The following HPSE2 variants were observed in gnomAD, a reference collection of about 807,000 sequenced individuals.
HPSE2 encodes the protein heparanase 2 (inactive), also known as inactive heparanase-2.
A neutral mutation model predicts 60.5 loss-of-function variants in HPSE2; 38 were observed. That is an observed-to-expected ratio of 0.63 (90% CI 0.48 to 0.82). HPSE2 has a LOEUF of 0.82. HPSE2 is among the 40% of genes least tolerant of loss of function. HPSE2 has a pLI of 0.00. For synonymous variants in HPSE2, 295 were observed against 293.2 expected, an observed-to-expected ratio of 1.01 and a Z score of -0.06; for missense variants, 713 against 740.4, an observed-to-expected ratio of 0.96 and a Z score of 0.43.
chr10:98,478,228 C>T (rs903927473), intron 11 of HPSE2, among the ~76,000 whole-genome samples: 5 of 152,038 alleles, frequency 3.3e-5, no homozygotes, highest in African/African-American at 1.2e-4. Flanking sequence ...AGGTGAGAAA[C>T]CAGGGAACAT....
intron 2 of HPSE2, among the ~76,000 whole-genome samples, chr10:99,218,140 T>A (rs1234266188): frequency 6.6e-6 from 1 of 151,916 alleles, no homozygotes; most frequent in Non-Finnish European, 1.5e-5. Context: ...ATAAAAAGAA[T>A]AGGCTCAGAT....
chr10:98,459,833 TAC>T (rs1385373107), intron 11 of HPSE2, 94 bp from the exon 12 acceptor site: 20 of 1,146,796 alleles, frequency 1.7e-5, no homozygotes, highest in African/African-American at 4.6e-5. Context: ...CAGTGTCTGA[TAC>T]ACACACACAG....
rs1380842368 is a variant in HPSE2 at position 99,126,490 on chromosome 10, C to A, written c.610+17748G>T. On this transcript the variant is annotated intron_variant, in intron 3 of 11. Transcript: ENST00000370552. This position sits in a 1 kb window ranked among gnomAD's most constrained non-coding sequence, Gnocchi z 4.0. ...AGCGTAGATCTCCTTACTACTGTTG[C>A]AGCTGGTGCTCTCTTGAAAGTGCCA... Among the ~76,000 whole-genome samples the A allele has an allele frequency of 6.6e-6, 1 of 151,728 alleles. No individual in the cohort carries two copies. The highest frequency in any genetic ancestry group is 1.5e-5 in the Non-Finnish European group (1 of 67,904).
chr10:99,071,138 C>T (rs868539198), intron 3 of HPSE2, among the ~76,000 whole-genome samples: 4 of 148,748 alleles, frequency 2.7e-5, no homozygotes, highest in Non-Finnish European at 4.4e-5. Context: ...GGCATGATCT[C>T]GGCTCACTGC....
chr10:99,254,054 CGTTACTGGGTAT>C, the HPSE2 span, among the ~76,000 whole-genome samples: 1 of 152,164 alleles, frequency 6.6e-6, no homozygotes, highest in Non-Finnish European at 1.5e-5. Context: ...CCAGCAATCT[CGTTACTGGGTAT>C]ACATCCAGAG....
intron 7 of HPSE2, among the ~76,000 whole-genome samples, chr10:98,641,486 C>G (rs189780815): frequency 6.6e-6 from 1 of 152,088 alleles, no homozygotes; most frequent in East Asian, 1.9e-4. Context: ...ACTCGGGAAG[C>G]TGAGGCAGGT....
intron 2 of HPSE2, among the ~76,000 whole-genome samples, chr10:99,164,227 TTATATATATATATATATATA>T (rs60497589): frequency 0.037 from 1,270 of 34,020 alleles, 29 homozygotes; most frequent in East Asian, 0.059. Context: ...TATTCAAGCA[TTATATATATATATATATATA>T]TATATATATA....
rs190608244 is a variant in HPSE2, at chr10:98,500,609, C to T, written c.1321-10413G>A. 5.6e-3 allele frequency among the ~76,000 whole-genome samples: 848 copies of T among 152,110 alleles called. 8 individuals are homozygous for T. The highest frequency in any genetic ancestry group is 0.02 in the African/African-American group (816 of 41,506). ...AGACTGACATTCTAAGGTCACACCT[C>T]AAGGGACTAGAGAAGCAAGAACAAA... On this transcript the variant is annotated intron_variant, in intron 9 of 11. Coordinates refer to ENST00000370552, the MANE Select transcript of HPSE2 (RefSeq NM_021828.5).
chr10:99,029,353 G>A (rs756671896), intron 3 of HPSE2, among the ~76,000 whole-genome samples: 8 of 152,174 alleles, frequency 5.3e-5, no homozygotes, highest in African/African-American at 7.2e-5. Flanking sequence ...GTGCGGTGAC[G>A]AGAGAGTGTA....
intron 11 of HPSE2, among the ~76,000 whole-genome samples, chr10:98,462,747 T>G (rs1170737102): frequency 6.6e-6 from 1 of 152,180 alleles, no homozygotes. Context: ...TGGACTCTTC[T>G]GTCCCCACAC....
chr10:98,871,322 C>A (rs1159156526), intron 3 of HPSE2, among the ~76,000 whole-genome samples: 1 of 151,988 alleles, frequency 6.6e-6, no homozygotes, highest in Non-Finnish European at 1.5e-5. Context: ...AAAAGTACAG[C>A]TAGGAGGTGC....
At chr10:98,717,735 A>T (rs1948826754) in intron 5 of HPSE2, among the ~76,000 whole-genome samples, 1 of 152,136 alleles carries the variant, frequency 6.6e-6, no homozygotes, top group Non-Finnish European at 1.5e-5. Context: ...TCACCATAAT[A>T]GATATAATAA....
At chr10:98,856,348 G>A (rs988398049) in intron 3 of HPSE2, among the ~76,000 whole-genome samples, 4 of 152,094 alleles carry the variant, frequency 2.6e-5, no homozygotes, top group African/African-American at 9.7e-5. Flanking sequence ...GCAAAAAGTA[G>A]GTGACTGAAT....
At chr10:98,894,528 A>G (rs192735340) in intron 3 of HPSE2, among the ~76,000 whole-genome samples, 1 of 152,286 alleles carries the variant, frequency 6.6e-6, no homozygotes, top group African/African-American at 2.4e-5. Context: ...ATGGGAAAGC[A>G]AAATTTCAGA....
chr10:99,124,311 T>C (rs973465245), intron 3 of HPSE2, among the ~76,000 whole-genome samples: 9 of 152,178 alleles, frequency 5.9e-5, no homozygotes, highest in African/African-American at 2.2e-4. Flanking sequence ...CCGTAAGTTC[T>C]CACTCTGGTC....
chr10:98,986,714 T>G lies in HPSE2; in HGVS notation c.610+157524A>C, dbSNP rs535141522. Among the ~76,000 whole-genome samples, 1,133 of 150,542 alleles carry G rather than the reference T, an allele frequency of 7.5e-3. 10 individuals are homozygous for G. The highest frequency in any genetic ancestry group is 0.027 in the Middle Eastern group (8 of 292). On this transcript the variant is annotated intron_variant, in intron 3 of 11. Transcript: ENST00000370552. ...TTAATGAATCCAGGAGCTGGTTTTT[T>G]GAAAAGATCAACAAAATTGATAGAC...
chr10:98,636,462 A>G (rs139599093), intron 7 of HPSE2, among the ~76,000 whole-genome samples: 1 of 151,778 alleles, frequency 6.6e-6, no homozygotes, highest in Non-Finnish European at 1.5e-5. Flanking sequence ...CTGGTCTCAA[A>G]CTCCTGACCT....
chr10:99,112,412 G>T (rs200466482), intron 3 of HPSE2, among the ~76,000 whole-genome samples: 1 of 87,926 alleles, frequency 1.1e-5, no homozygotes, highest in Non-Finnish European at 2.9e-5. Flanking sequence ...GCTTTTTTTT[G>T]TTGTGTTTTG....
chr10:98,818,952 G>T (rs575531114), intron 3 of HPSE2, among the ~76,000 whole-genome samples: 1 of 152,304 alleles, frequency 6.6e-6, no homozygotes, highest in East Asian at 1.9e-4. Context: ...TGGATAAAGT[G>T]AGGGCAAAGA....
Sources: allele counts gnomAD v4.1 joint callset (sites outside exome capture counted in the v4.1 genomes callset), GRCh38; gene constraint gnomAD v4.1.1; non-coding constraint Gnocchi (gnomAD v3.1); transcripts MANE v1.5; gene names NCBI Gene and HGNC (gene_info 2026-07-23, HGNC 2026-07-21).